NFIC: variants seen among roughly 807,000 people sequenced by gnomAD.
The protein encoded by NFIC is nuclear factor I C, also known as nuclear factor 1 C-type.
A neutral mutation model predicts 54.4 loss-of-function variants in NFIC; 12 were observed. The observed-to-expected ratio is 0.22, with a 90% CI of 0.14 to 0.36. The LOEUF is 0.36. Among genes scored for constraint, NFIC ranks in the 10% least tolerant of loss-of-function variants. The pLI, the probability that NFIC is intolerant of heterozygous loss-of-function variation, is 1.00. For missense variants in NFIC, 575 were observed against 718.2 expected, an observed-to-expected ratio of 0.80 and a Z score of 2.28; for synonymous variants, 322 against 319.2, an observed-to-expected ratio of 1.01 and a Z score of -0.09.
intron 3 of NFIC, among the ~76,000 whole-genome samples, chr19:3,429,367 C>T (rs1452251622): frequency 6.0e-5 from 9 of 151,052 alleles, no homozygotes; most frequent in Non-Finnish European, 7.4e-5. Flanking sequence ...TCGCCTGAGC[C>T]CAGGAGTTTG....
At chr19:3,428,392 C>T (rs2082061960) in intron 3 of NFIC, among the ~76,000 whole-genome samples, 1 of 150,520 alleles carries the variant, frequency 6.6e-6, no homozygotes. Context: ...GCGGAGGTTG[C>T]AGTGAGCCGA....
At chr19:3,383,407 C>T (rs1247583385) in intron 2 of NFIC, among the ~76,000 whole-genome samples, 1 of 152,120 alleles carries the variant, frequency 6.6e-6, no homozygotes, top group African/African-American at 2.4e-5. Flanking sequence ...CTGGCAGGAG[C>T]GTGGAGATGA....
chr19:3,412,682 G>A (rs1025244247), intron 2 of NFIC, among the ~76,000 whole-genome samples: 12 of 152,194 alleles, frequency 7.9e-5, no homozygotes, highest in African/African-American at 2.9e-4. Context: ...CCCCAGCCAA[G>A]GATGGTTAAA....
At position 3,407,360 on chromosome 19, in the gene NFIC, G is replaced by A. The variant is rs889254961; in HGVS notation, c.563-17746G>A. 4.6e-5 allele frequency among the ~76,000 whole-genome samples: 7 copies of A among 152,158 alleles called. 1 individual carries two copies. Among genetic ancestry groups the A allele is most frequent in the East Asian group, 1.9e-4 (1 of 5,162 alleles). Reference sequence around the variant, plus strand: ...GATCTCCTGACCTCGTGATCCACCCGCCTCGGCCTCCCAAAGTGCTGGGAT... The same window carrying A: ...GATCTCCTGACCTCGTGATCCACCCACCTCGGCCTCCCAAAGTGCTGGGAT... On this transcript the variant is annotated intron_variant, in intron 2 of 10. Transcript: ENST00000443272.
chr19:3,414,835 G>GT (rs1186370340), intron 2 of NFIC, among the ~76,000 whole-genome samples: 2 of 151,358 alleles, frequency 1.3e-5, no homozygotes, highest in Admixed American at 6.6e-5. Context: ...TTTGTTTTTT[G>GT]TTTTTTTGTT....
At chr19:3,362,672 C>A (rs1213690237), upstream of NFIC, among the ~76,000 whole-genome samples, 1 of 152,030 alleles carries the variant, frequency 6.6e-6, no homozygotes, top group Non-Finnish European at 1.5e-5. Flanking sequence ...GCCTATCTGA[C>A]CTTTAACTCA....
chr19:3,457,090 C>T (rs530005545), intron 10 of NFIC, among the ~76,000 whole-genome samples: 1 of 152,286 alleles, frequency 6.6e-6, no homozygotes, highest in Non-Finnish European at 1.5e-5. Flanking sequence ...TGAGGCAGCC[C>T]ATGGCGGGGC....
intron 3 of NFIC, among the ~76,000 whole-genome samples, chr19:3,426,361 G>A (rs2082027743): frequency 6.6e-6 from 1 of 152,096 alleles, no homozygotes; most frequent in Non-Finnish European, 1.5e-5. Flanking sequence ...TCATAGGTGT[G>A]AGCCACCACA....
At chr19:3,460,185 C>T (rs1313997709) in intron 10 of NFIC, among the ~76,000 whole-genome samples, 2 of 152,216 alleles carry the variant, frequency 1.3e-5, no homozygotes, top group Admixed American at 1.3e-4. Flanking sequence ...TAGTGAGCTT[C>T]TGTGGAGCAA....
Position 3,464,524 on chromosome 19 carries a change from C to CCCG in NFIC, c.*1755_*1756insCCG. 8 of 910,440 alleles carry CCCG rather than the reference C, an allele frequency of 8.8e-6. No individual in the cohort carries two copies. The highest frequency in any genetic ancestry group is 1.8e-5 in the African/African-American group (1 of 54,840). 56.4% of individuals were successfully genotyped at this position (910,440 alleles called of 1,614,324 possible). ...GAGCTCAAACACAAGGACCCCTCCCCGGCCCACCCAGCCCAGCCCCAACTG... is the reference window on the plus strand; with the variant it reads ...GAGCTCAAACACAAGGACCCCTCCCCCCGGGCCCACCCAGCCCAGCCCCAACTG... On this transcript the variant is annotated 3_prime_UTR_variant, in exon 11 of 11. Transcript: ENST00000443272.
rs893151135 is a variant in NFIC, at chr19:3,459,198, G to A, written c.1509+2563G>A. Among the ~76,000 whole-genome samples, 1 of 149,766 alleles carries A rather than the reference G, an allele frequency of 6.7e-6. No individual in the cohort carries two copies. The highest frequency in any genetic ancestry group is 2.5e-5 in the African/African-American group (1 of 40,420). ...CTCCTCCCCCAAAGCCTGGGTGGGC[G>A]CGCCTTTCCCTCTGCCTCTCCGGCT... On this transcript the variant is annotated intron_variant, in intron 10 of 10. Transcript: ENST00000443272. This position sits in a 1 kb window ranked among gnomAD's most constrained non-coding sequence, Gnocchi z 4.2.
At chr19:3,421,000 G>A (rs936289016) in intron 2 of NFIC, among the ~76,000 whole-genome samples, 1 of 152,202 alleles carries the variant, frequency 6.6e-6, no homozygotes, top group African/African-American at 2.4e-5. Flanking sequence ...TGGGAATACA[G>A]GCGTGAGCCA....
At position 3,464,546 on chromosome 19, in the gene NFIC, A is replaced by G. The variant is rs1210280030; in HGVS notation, c.*1777A>G. Reference sequence around the variant, plus strand: ...CCCCGGCCCACCCAGCCCAGCCCCAACTGACCTCCATGCCTAGGGAAAAAC... The same window carrying G: ...CCCCGGCCCACCCAGCCCAGCCCCAGCTGACCTCCATGCCTAGGGAAAAAC... On this transcript the variant is annotated 3_prime_UTR_variant, in exon 11 of 11. Transcript: ENST00000443272. 2.7e-5 allele frequency: 12 copies of G among 440,684 alleles called. No homozygotes were observed. Among genetic ancestry groups the G allele is most frequent in the African/African-American group, 3.5e-5 (1 of 28,944 alleles). The allele number at this position is 440,684 out of a possible 1,614,324, so 27.3% of individuals were successfully genotyped here.
rs779769014 is a variant in NFIC at position 3,433,470 on chromosome 19, GA to G, written c.635-45del. ...AGGCAGCCCTGGAGTGTGGGGAAGGGAAACAGGCCCAGCTCAGCCTACTGAC... is the reference window on the plus strand; with the variant it reads ...AGGCAGCCCTGGAGTGTGGGGAAGGGAACAGGCCCAGCTCAGCCTACTGAC... On this transcript the variant is annotated intron_variant, in intron 3 of 10. Transcript: ENST00000443272. 2.4e-5 allele frequency: 39 copies of G among 1,602,948 alleles called. 1 individual carries two copies. The South Asian group carries it at 4.3e-4, about 18-fold the overall frequency.
intron 2 of NFIC, among the ~76,000 whole-genome samples, chr19:3,419,521 C>T (rs939031662): frequency 6.6e-6 from 1 of 152,040 alleles, no homozygotes; most frequent in African/African-American, 2.4e-5. Flanking sequence ...GTAATCCCAG[C>T]ACTTTGGGAG....
intron 2 of NFIC, among the ~76,000 whole-genome samples, chr19:3,390,371 G>T (rs2081358976): frequency 6.6e-6 from 1 of 152,206 alleles, no homozygotes; most frequent in Non-Finnish European, 1.5e-5. Context: ...TGGTAAAGAG[G>T]GACGGGCAGG....
At chr19:3,424,397 C>T (rs2081996919) in intron 2 of NFIC, among the ~76,000 whole-genome samples, 1 of 150,426 alleles carries the variant, frequency 6.6e-6, no homozygotes, top group Admixed American at 6.7e-5. Context: ...GTTGCTCAGG[C>T]TGGCCTCCAA....
At chr19:3,462,656 G>A (rs550285439) in intron 10 of NFIC, 96 bp from the exon 11 acceptor site, 25 of 1,384,322 alleles carry the variant, frequency 1.8e-5, no homozygotes, top group Middle Eastern at 1.8e-4. Context: ...GGGGGTGAGC[G>A]TGGGAAGAGG....
At chr19:3,450,412 T>G (rs917968865) in intron 7 of NFIC, among the ~76,000 whole-genome samples, 14 of 149,904 alleles carry the variant, frequency 9.3e-5, no homozygotes, top group African/African-American at 3.4e-4. Context: ...TCCCAGCACT[T>G]TGGGAGGCCG....
Sources: allele counts gnomAD v4.1 joint callset (sites outside exome capture counted in the v4.1 genomes callset), GRCh38; gene constraint gnomAD v4.1.1; non-coding constraint Gnocchi (gnomAD v3.1); transcripts MANE v1.5; gene names NCBI Gene and HGNC (gene_info 2026-07-23, HGNC 2026-07-21).